HTRA2: variants seen among roughly 807,000 people sequenced by gnomAD.
HTRA2 encodes HtrA serine peptidase 2.
Under a neutral mutation model 42.2 loss-of-function variants are expected in HTRA2, and 24 were observed. The ratio of observed to expected loss-of-function variants is 0.57; its 90% CI spans 0.41 to 0.80. The LOEUF (loss-of-function observed/expected upper bound fraction) is 0.80, where lower values mean the gene tolerates loss of function less well. Among genes scored for constraint, HTRA2 ranks in the 30% least tolerant of loss-of-function variants. The pLI, the probability that HTRA2 is intolerant of heterozygous loss-of-function variation, is 0.00. For synonymous variants in HTRA2, 245 were observed against 255.8 expected (o/e 0.96, Z 0.40); for missense variants, 466 against 613.5 (o/e 0.76, Z 2.54).
chr2:74,529,503 G>A (rs769713877), upstream of HTRA2: 45 of 1,550,148 alleles, frequency 2.9e-5, no homozygotes, highest in East Asian at 9.4e-4. Flanking sequence ...CGGAAGCCTG[G>A]GGGCGAGAGG....
Position 74,531,341 on chromosome 2 carries a change from T to C in HTRA2, c.909T>C (p.Phe303=). ...EYIQTDAAID[F]GNSGGPLVNL... ...CATGTTTTCTCCTTGTCCTACAGTT[T>C]GGAAACTCTGGAGGTCCCCTGGTTA... The change falls in exon 4 of 8, where the codon TTT becomes TTC. Residue 303 remains phenylalanine (F), a splice_region_variant and synonymous_variant. Transcript: ENST00000258080. 6.2e-7 allele frequency: 1 copy of C among 1,614,174 alleles called. No homozygotes were observed. The highest frequency in any genetic ancestry group is 2.2e-5 in the East Asian group (1 of 44,886).
chr2:74,531,994 T>G, intron 6 of HTRA2, 69 bp downstream of exon 6: 1 of 1,375,032 alleles, frequency 7.3e-7, no homozygotes, highest in Non-Finnish European at 1.0e-6. Context: ...TCTATTGAGC[T>G]TTGTTCTCAT....
chr2:74,529,803 C>T (rs1675448143), upstream of HTRA2: 3 of 1,432,906 alleles, frequency 2.1e-6, no homozygotes, highest in South Asian at 1.5e-5. Flanking sequence ...CCCCTTGGGC[C>T]GTCTCACAAC....
rs754816436 is a variant in HTRA2, at chr2:74,531,146, G to T, written c.906+41G>T. ...AGAGAAATGACAAATGATGGGGGAG[G>T]GGGGAGAGGCTGTGTGGTACAAGCA... On this transcript the variant is annotated intron_variant, in intron 3 of 7. Transcript: ENST00000258080. 30 of 1,603,026 alleles carry T rather than the reference G, an allele frequency of 1.9e-5. No homozygotes were observed. The East Asian group carries it at 4.2e-4, about 23-fold the overall frequency.
At chr2:74,531,724 A>G in intron 5 of HTRA2, 22 bp downstream of exon 5, 1 of 1,613,594 alleles carries the variant, frequency 6.2e-7, no homozygotes, top group Non-Finnish European at 8.5e-7. Context: ...TTATGGGGAA[A>G]CGGGTTCCTT....
At chr2:74,533,358 T>C (rs189894802), downstream of HTRA2, 838 of 540,852 alleles carry the variant, frequency 1.5e-3, 6 homozygotes, top group African/African-American at 0.015. Context: ...CTCTTTGTGG[T>C]GTGGTGGGCT....
In HTRA2 at chr2:74,530,243, C is replaced by T. The variant is rs1675484868; in HGVS notation, c.237C>T (p.Pro79=). 6.2e-7 allele frequency: 1 copy of T among 1,609,676 alleles called. No individual in the cohort carries two copies. The highest frequency in any genetic ancestry group is 8.5e-7 in the Non-Finnish European group (1 of 1,178,182). The change falls in exon 1 of 8, where the codon CCC becomes CCT. Residue 79 remains proline, a synonymous_variant. Coordinates refer to ENST00000258080, the MANE Select transcript of HTRA2 (RefSeq NM_013247.5). The surrounding 1 kb of genome is among the most constrained non-coding windows in gnomAD (Gnocchi z 7.4). The part of the protein sequence containing the change: ...RACLTSGTPG[P]RAQLTAVTPD... ...GCCTGACGTCTGGGACCCCGGGTCC[C>T]CGGGCACAACTGACTGCGGTGACCC...
At chr2:74,533,424 CA>C (rs557275858), downstream of HTRA2, 15 of 600,532 alleles carry the variant, frequency 2.5e-5, no homozygotes, top group East Asian at 4.0e-4. Flanking sequence ...TGCTTGGCTA[CA>C]GATACTGACA....
rs754963751 is a variant in HTRA2 at position 74,531,006 on chromosome 2, G to C, written c.807G>C (p.Thr269=). The C allele has an allele frequency of 3.1e-6, 5 of 1,614,216 alleles. No individual in the cohort carries two copies. Among genetic ancestry groups the C allele is most frequent in the Non-Finnish European group, 4.2e-6 (5 of 1,180,022 alleles). Residue 269 remains threonine (T), a synonymous_variant, in exon 3 of 8, where the codon ACG becomes ACC. Coordinates refer to ENST00000258080, the MANE Select transcript of HTRA2 (RefSeq NM_013247.5). ...AMGSPFALQN[T]ITSGIVSSAQ... The stretch of plus-strand genomic sequence containing the variant: ...GAAGTCCCTTTGCACTGCAGAACAC[G>C]ATCACATCCGGCATTGTTAGCTCTG...
chr2:74,529,802 C>A (rs1406133719), upstream of HTRA2: 6 of 1,434,816 alleles, frequency 4.2e-6, no homozygotes, highest in South Asian at 8.8e-5. Flanking sequence ...GCCCCTTGGG[C>A]CGTCTCACAA....
chr2:74,529,968 C>A lies in HTRA2; in HGVS notation c.-39C>A, dbSNP rs1392351120. On this transcript the variant is annotated 5_prime_UTR_variant, in exon 1 of 8. The change creates a new upstream start codon in the 5' untranslated region. Transcript: ENST00000258080. ...CCTGCTCGCGTCCTGGGTGCCGCCT[C>A]TGAGTAGGGCGGGCGAGGAGGCAGC... 1 of 1,505,392 alleles carries A rather than the reference C, an allele frequency of 6.6e-7. No homozygotes were observed. The highest frequency in any genetic ancestry group is 1.3e-5 in the South Asian group (1 of 75,516). The allele number at this position is 1,505,392 out of a possible 1,614,324, so 93.3% of individuals were successfully genotyped here.
rs775932862 is a variant in HTRA2, at chr2:74,529,964, G to A, written c.-43G>A. ...TCCGCCTGCTCGCGTCCTGGGTGCCGCCTCTGAGTAGGGCGGGCGAGGAGG... is the reference window on the plus strand; with the variant it reads ...TCCGCCTGCTCGCGTCCTGGGTGCCACCTCTGAGTAGGGCGGGCGAGGAGG... On this transcript the variant is annotated 5_prime_UTR_variant, in exon 1 of 8. Coordinates refer to ENST00000258080, the MANE Select transcript of HTRA2 (RefSeq NM_013247.5). The A allele has an allele frequency of 2.0e-6, 3 of 1,501,298 alleles. 1 individual carries two copies. Among genetic ancestry groups the A allele is most frequent in the South Asian group, 2.7e-5 (2 of 74,960 alleles). The allele number at this position is 1,501,298 out of a possible 1,614,324, so 93.0% of individuals were successfully genotyped here.
chr2:74,530,062 C>G lies in HTRA2; in HGVS notation c.56C>G (p.Ala19Gly), dbSNP rs1172273282. The G allele has an allele frequency of 6.3e-7, 1 of 1,587,796 alleles. No homozygotes were observed. Among genetic ancestry groups the G allele is most frequent in the Non-Finnish European group, 8.6e-7 (1 of 1,161,478 alleles). ...GAGWSLRAWR[A>G]LGGIRWGRRP... The stretch of plus-strand genomic sequence containing the variant: ...GGCTGGAGCCTTCGGGCATGGCGGG[C>G]TTTGGGGGGCATTCGCTGGGGGAGG... The change falls in exon 1 of 8, where the codon GCT becomes GGT. Residue 19 changes from alanine (A) to glycine (G), a missense_variant. By Grantham distance (60) the Ala-to-Gly change is moderately conservative. Coordinates refer to ENST00000258080, the MANE Select transcript of HTRA2 (RefSeq NM_013247.5). The surrounding 1 kb of genome is among the most constrained non-coding windows in gnomAD (Gnocchi z 7.4).
intron 5 of HTRA2, 52 bp downstream of exon 5, chr2:74,531,754 GA>G: frequency 6.2e-7 from 1 of 1,612,554 alleles, no homozygotes; most frequent in Middle Eastern, 1.9e-4. Context: ...GGAAATAGGG[GA>G]AGGGCATTCA....
At position 74,533,246 on chromosome 2, in the gene HTRA2, T is replaced by C. The variant is rs1289302954; in HGVS notation, c.*261T>C. On this transcript the variant is annotated 3_prime_UTR_variant, in exon 8 of 8. Transcript: ENST00000258080. Reference sequence around the variant, plus strand: ...CACCAAAAGGCTAGAGGTAAAGCTGTATCCCCCTAAACTTAGGGGAGATAC... The same window carrying C: ...CACCAAAAGGCTAGAGGTAAAGCTGCATCCCCCTAAACTTAGGGGAGATAC... 7.2e-6 allele frequency: 4 copies of C among 557,114 alleles called. No homozygotes were observed. The Admixed American group carries it at 9.3e-5, about 13-fold the overall frequency. 34.5% of individuals were successfully genotyped at this position (557,114 alleles called of 1,614,324 possible). A position where few individuals can be genotyped will look rare whatever the true frequency, so the allele number is the denominator to read the frequency against.
Position 74,530,456 on chromosome 2 carries a change from C to T in HTRA2, c.450C>T (p.Ile150=). The change falls in exon 1 of 8, where the codon ATC becomes ATT. Residue 150 remains isoleucine, a synonymous_variant. Coordinates refer to ENST00000258080, the MANE Select transcript of HTRA2 (RefSeq NM_013247.5). The surrounding 1 kb of genome is among the most constrained non-coding windows in gnomAD (Gnocchi z 7.4). ...CTCCCCGGAGTCAGTACAACTTCAT[C>T]GCAGATGTGGTGGAGAAGACAGCAC... ...PASPRSQYNF[I]ADVVEKTAPA... 1.9e-6 allele frequency: 3 copies of T among 1,606,804 alleles called. No individual in the cohort carries two copies. Among genetic ancestry groups the T allele is most frequent in the Non-Finnish European group, 2.5e-6 (3 of 1,179,910 alleles).
rs757704467 is a variant in HTRA2 at position 74,530,389 on chromosome 2, C to T, written c.383C>T (p.Pro128Leu). The T allele has an allele frequency of 5.8e-5, 92 of 1,592,688 alleles. No individual in the cohort carries two copies. The highest frequency in any genetic ancestry group is 7.3e-5 in the Non-Finnish European group (85 of 1,172,234). The change falls in exon 1 of 8, where the codon CCT (proline) becomes CTT (leucine). Residue 128 changes from proline (P) to leucine (L), a missense_variant. Around this residue, in one of 3 missense-constraint regions of HTRA2, gnomAD observed 222 missense variants for 205.1 expected, o/e 1.08. Transcript: ENST00000258080. This position sits in a 1 kb window ranked among gnomAD's most constrained non-coding sequence, Gnocchi z 7.4. ...LLLLWGGGRG[P>L]PAVLAAVPSP... ...TTGTTGTGGGGCGGGGGTCGGGGTC[C>T]TCCGGCCGTCCTCGCCGCCGTCCCT... is the stretch of plus-strand genomic sequence containing the variant.
Position 74,533,264 on chromosome 2 carries a change from G to A in HTRA2, c.*279G>A, listed in dbSNP as rs1675758649. 8 of 542,706 alleles carry A rather than the reference G, an allele frequency of 1.5e-5. No homozygotes were observed. In the South Asian group the frequency reaches 1.7e-4, roughly 12 times the overall value. 33.6% of individuals were successfully genotyped at this position (542,706 alleles called of 1,614,324 possible). The stretch of plus-strand genomic sequence containing the variant: ...AAAGCTGTATCCCCCTAAACTTAGG[G>A]GAGATACTGGAGCTGACCATCCTGA... On this transcript the variant is annotated 3_prime_UTR_variant, in exon 8 of 8. Coordinates refer to ENST00000258080, the MANE Select transcript of HTRA2 (RefSeq NM_013247.5).
At chr2:74,529,907 C>T, upstream of HTRA2, 2 of 1,466,622 alleles carry the variant, frequency 1.4e-6, no homozygotes, top group Non-Finnish European at 1.8e-6. Context: ...TTCTGAAGGA[C>T]TTCAGGTACC....
Sources: allele counts gnomAD v4.1 joint callset, GRCh38; gene constraint gnomAD v4.1.1; regional missense constraint gnomAD v4.1.1; non-coding constraint Gnocchi (gnomAD v3.1); transcripts MANE v1.5; gene names NCBI Gene and HGNC (gene_info 2026-07-23, HGNC 2026-07-21).